PPP4R3B: variants seen among roughly 807,000 people sequenced by gnomAD.
The protein encoded by PPP4R3B is serine/threonine-protein phosphatase 4 regulatory subunit 3B.
Under a neutral mutation model 95.4 loss-of-function variants are expected in PPP4R3B, and 52 were observed. The observed-to-expected ratio is 0.54, with a 90% confidence interval of 0.44 to 0.69. The LOEUF is 0.69. Among genes scored for constraint, PPP4R3B ranks in the 30% least tolerant of loss-of-function variants. The pLI, the probability that PPP4R3B is intolerant of heterozygous loss-of-function variation, is 0.00. For synonymous variants in PPP4R3B, 407 were observed against 343.9 expected, an observed-to-expected ratio of 1.18 and a Z score of -2.03; for missense variants, 1,003 against 1,005.9, an observed-to-expected ratio of 1.00 and a Z score of 0.04.
chr2:55,589,911 A>T (rs1384591198), intron 4 of PPP4R3B, among the ~76,000 whole-genome samples: 1 of 130,542 alleles, frequency 7.7e-6, no homozygotes, highest in African/African-American at 3.3e-5. Context: ...GCGAGACTCC[A>T]TCTCAAAAAA....
chr2:55,558,718 T>C (rs1025907842), intron 16 of PPP4R3B, 57 bp downstream of exon 16: 3 of 1,317,262 alleles, frequency 2.3e-6, no homozygotes, highest in East Asian at 5.2e-5. Context: ...TCAGTAAACA[T>C]GAAAAAATCT....
intron 2 of PPP4R3B, among the ~76,000 whole-genome samples, chr2:55,612,940 C>G (rs1694379144): frequency 6.9e-6 from 1 of 145,720 alleles, no homozygotes; most frequent in Admixed American, 6.8e-5. Flanking sequence ...AGCGAGACTC[C>G]ATCTCAAAAA....
chr2:55,583,578 C>T (rs1032885823), intron 7 of PPP4R3B, among the ~76,000 whole-genome samples: 7 of 152,168 alleles, frequency 4.6e-5, no homozygotes, highest in African/African-American at 1.7e-4. Context: ...TTTAATCACA[C>T]ACATCACTGA....
At chr2:55,600,840 T>C (rs943087514) in intron 3 of PPP4R3B, among the ~76,000 whole-genome samples, 7 of 151,758 alleles carry the variant, frequency 4.6e-5, no homozygotes, top group African/African-American at 1.7e-4. Flanking sequence ...AAATGAGTAA[T>C]GTAACAAGGA....
chr2:55,566,490 A>G (rs758065977), intron 13 of PPP4R3B, among the ~76,000 whole-genome samples: 1 of 152,226 alleles, frequency 6.6e-6, no homozygotes, highest in Non-Finnish European at 1.5e-5. Context: ...CAGCAGTACA[A>G]TGGGAACTAG....
chr2:55,605,857 G>C (rs573018215), intron 2 of PPP4R3B, among the ~76,000 whole-genome samples: 1 of 138,536 alleles, frequency 7.2e-6, no homozygotes, highest in Non-Finnish European at 1.5e-5. Context: ...AGTGAGCCGA[G>C]ATCAAGCCAT....
chr2:55,569,262 G>A (rs1439351618), intron 12 of PPP4R3B, among the ~76,000 whole-genome samples: 2 of 152,000 alleles, frequency 1.3e-5, no homozygotes, highest in Non-Finnish European at 2.9e-5. Flanking sequence ...ATGGTCTAGC[G>A]GTAGCGTTAG....
intron 2 of PPP4R3B, 45 bp from the exon 3 acceptor site, chr2:55,604,121 G>GT (rs1485793623): frequency 2.1e-6 from 3 of 1,453,460 alleles, no homozygotes; most frequent in Non-Finnish European, 2.8e-6. Flanking sequence ...TAGAAAAGAG[G>GT]TATCTACAAA....
chr2:55,582,015 T>C (rs1689512417), intron 7 of PPP4R3B, among the ~76,000 whole-genome samples: 1 of 152,124 alleles, frequency 6.6e-6, no homozygotes, highest in Non-Finnish European at 1.5e-5. Context: ...GTAGAGGTTC[T>C]AACAGAATCT....
intron 2 of PPP4R3B, among the ~76,000 whole-genome samples, chr2:55,611,508 G>A (rs563896578): frequency 1.3e-5 from 2 of 152,290 alleles, no homozygotes; most frequent in East Asian, 3.9e-4. Context: ...AACGACTTCA[G>A]TACTATGCAC....
intron 16 of PPP4R3B, among the ~76,000 whole-genome samples, chr2:55,552,545 C>T (rs564448819): frequency 1.3e-5 from 2 of 152,266 alleles, no homozygotes; most frequent in Admixed American, 1.3e-4. Flanking sequence ...ATGCATGCAC[C>T]ACCATGCCTG....
At chr2:55,584,434 G>C (rs915157989) in intron 7 of PPP4R3B, among the ~76,000 whole-genome samples, 4 of 151,806 alleles carry the variant, frequency 2.6e-5, no homozygotes, top group African/African-American at 9.7e-5. Context: ...TGAGATTTTG[G>C]GGCACCCATC....
intron 1 of PPP4R3B, 106 bp downstream of exon 1, chr2:55,617,038 G>A (rs1695051463): frequency 2.2e-6 from 3 of 1,333,760 alleles, no homozygotes; most frequent in Non-Finnish European, 2.0e-6. Context: ...CAGAACCAAC[G>A]CGCTGTCCCG....
chr2:55,593,046 C>A (rs2104390519), intron 4 of PPP4R3B, among the ~76,000 whole-genome samples: 1 of 152,260 alleles, frequency 6.6e-6, no homozygotes, highest in African/African-American at 2.4e-5. Context: ...GTAATCCCAG[C>A]TCCCAGGAGG....
chr2:55,605,857 G>A (rs573018215), intron 2 of PPP4R3B, among the ~76,000 whole-genome samples: 1 of 138,606 alleles, frequency 7.2e-6, no homozygotes, highest in Admixed American at 8.0e-5. Flanking sequence ...AGTGAGCCGA[G>A]ATCAAGCCAT....
chr2:55,564,587 C>G, intron 14 of PPP4R3B, 90 bp from the exon 15 acceptor site: 2 of 1,162,592 alleles, frequency 1.7e-6, no homozygotes, highest in African/African-American at 1.6e-5. Flanking sequence ...CCAAGATGAA[C>G]TGAAGTAATT....
At chr2:55,569,339 T>A (rs900489050) in intron 12 of PPP4R3B, among the ~76,000 whole-genome samples, 1 of 152,042 alleles carries the variant, frequency 6.6e-6, no homozygotes, top group Non-Finnish European at 1.5e-5. Context: ...TGGGGGAGTT[T>A]AGAGAAGACT....
intron 4 of PPP4R3B, among the ~76,000 whole-genome samples, chr2:55,592,058 G>C (rs1460117001): frequency 6.6e-6 from 1 of 152,178 alleles, no homozygotes; most frequent in East Asian, 1.9e-4. Context: ...GGGAAAAAAA[G>C]AGGTTGCTTC....
chr2:55,578,482 T>C (rs961679537), intron 9 of PPP4R3B, 140 bp from the exon 10 acceptor site: 32 of 893,970 alleles, frequency 3.6e-5, no homozygotes, highest in South Asian at 1.1e-4. Context: ...TTTTCATTTA[T>C]ATAAATGGAA....
Sources: allele counts gnomAD v4.1 joint callset (sites outside exome capture counted in the v4.1 genomes callset), GRCh38; gene constraint gnomAD v4.1.1; transcripts MANE v1.5; gene names NCBI Gene and HGNC (gene_info 2026-07-23, HGNC 2026-07-21).